The following IRAK3 variants were observed in gnomAD, a reference collection of about 807,000 sequenced individuals.
IRAK3 encodes the protein interleukin-1 receptor-associated kinase 3.
Under a neutral mutation model 56.6 loss-of-function variants are expected in IRAK3, and 57 were observed. The ratio of observed to expected loss-of-function variants is 1.01; its 90% CI spans 0.81 to 1.26. IRAK3 has a LOEUF of 1.26. IRAK3 is among the 50% of genes most tolerant of loss of function. The pLI, the probability that IRAK3 is intolerant of heterozygous loss-of-function variation, is 0.00. For missense variants in IRAK3, 703 were observed against 719.0 expected (o/e 0.98, Z 0.25); for synonymous variants, 258 against 255.7 (o/e 1.01, Z -0.09).
chr12:66,208,469 C>T (rs1164676446), intron 2 of IRAK3, among the ~76,000 whole-genome samples: 1 of 152,058 alleles, frequency 6.6e-6, no homozygotes, highest in Non-Finnish European at 1.5e-5. Context: ...TGCAAAAATG[C>T]TGATAATACA....
chr12:66,245,132 G>A lies in IRAK3; in HGVS notation c.1184G>A (p.Gly395Asp). The change falls in exon 11 of 12, where the codon GGC becomes GAC. Residue 395 changes from glycine to aspartate, a missense_variant. Physicochemically the swap from Gly to Asp is moderately conservative, Grantham distance 94. Transcript: ENST00000261233. ...DLLRELMEKR[G>D]LDSCLSFLDK... Reference sequence around the variant, plus strand: ...CTTAGAGAATTGATGGAGAAGAGAGGCCTGGATTCATGTCTCTCATTTCTA... The same window carrying A: ...CTTAGAGAATTGATGGAGAAGAGAGACCTGGATTCATGTCTCTCATTTCTA... The A allele has an allele frequency of 6.2e-7, 1 of 1,614,036 alleles. No individual in the cohort carries two copies. Among genetic ancestry groups the A allele is most frequent in the South Asian group, 1.1e-5 (1 of 91,080 alleles).
chr12:66,231,888 T>C (rs1310313385), intron 8 of IRAK3, among the ~76,000 whole-genome samples: 1 of 152,170 alleles, frequency 6.6e-6, no homozygotes, highest in African/African-American at 2.4e-5. Flanking sequence ...TGGGCTCTAG[T>C]GAAAGTCTGC....
At position 66,248,902 on chromosome 12, in the gene IRAK3, G is replaced by A. The variant is rs1460786944; in HGVS notation, c.*731G>A. On this transcript the variant is annotated 3_prime_UTR_variant, in exon 12 of 12. Transcript: ENST00000261233. ...TGTCCATCAAGTAATTTTTATTCCT[G>A]AGAAAATGGCTGGTCAAGGGCCTAG... 2 of 152,098 alleles carry A rather than the reference G, an allele frequency of 1.3e-5. No homozygotes were observed. The highest frequency in any genetic ancestry group is 2.4e-5 in the African/African-American group (1 of 41,420). The allele number at this position is 152,098 out of a possible 1,614,324, so 9.4% of individuals were successfully genotyped here.
intron 6 of IRAK3, among the ~76,000 whole-genome samples, chr12:66,224,196 G>A (rs929688648): frequency 6.6e-6 from 1 of 152,186 alleles, no homozygotes; most frequent in African/African-American, 2.4e-5. Flanking sequence ...CATCCAATGA[G>A]ATAAATTCTC....
At chr12:66,189,539 C>T in intron 1 of IRAK3, 107 bp downstream of exon 1, 2 of 798,448 alleles carry the variant, frequency 2.5e-6, no homozygotes, top group Non-Finnish European at 3.1e-6. Context: ...CTGGCGCGGC[C>T]TCCGGGAAGT....
At chr12:66,245,884 A>C (rs929364477) in intron 11 of IRAK3, among the ~76,000 whole-genome samples, 1 of 152,030 alleles carries the variant, frequency 6.6e-6, no homozygotes, top group Non-Finnish European at 1.5e-5. Flanking sequence ...ATCTATCCAT[A>C]GACTTAATCA....
intron 6 of IRAK3, among the ~76,000 whole-genome samples, chr12:66,224,929 C>T (rs1287670078): frequency 6.6e-6 from 1 of 152,060 alleles, no homozygotes; most frequent in East Asian, 1.9e-4. Flanking sequence ...AATCTAAAAC[C>T]CTACTGATTT....
chr12:66,239,780 A>T (rs751228662), intron 8 of IRAK3, among the ~76,000 whole-genome samples: 7 of 152,108 alleles, frequency 4.6e-5, no homozygotes, highest in Non-Finnish European at 7.3e-5. Flanking sequence ...CATAAATTAA[A>T]ATTTCCCCTA....
At chr12:66,205,136 T>TA (rs1450336983) in intron 2 of IRAK3, among the ~76,000 whole-genome samples, 1 of 152,188 alleles carries the variant, frequency 6.6e-6, no homozygotes, top group African/African-American at 2.4e-5. Flanking sequence ...AATACAAACT[T>TA]ACGCCACTTT....
intron 1 of IRAK3, among the ~76,000 whole-genome samples, chr12:66,190,310 T>C (rs902927686): frequency 2.0e-5 from 3 of 152,224 alleles, no homozygotes; most frequent in Admixed American, 2.0e-4. Flanking sequence ...AGTCTTTGAA[T>C]TGTAGCAATG....
Position 66,203,827 on chromosome 12 carries a change from G to T in IRAK3, c.250G>T (p.Gly84Cys), listed in dbSNP as rs34443407. ...CTGGGCACAGAAAAACAAGACCATC[G>T]GTGACCTTTTACAGGTCCTCCAGGA... is the stretch of plus-strand genomic sequence containing the variant. ...WSWAQKNKTIGDLLQVLQEMG... is the reference protein window; with the variant it reads ...WSWAQKNKTICDLLQVLQEMG... The change falls in exon 2 of 12, where the codon GGT (glycine) becomes TGT (cysteine). Residue 84 changes from glycine to cysteine, a missense_variant. Gly to Cys is a radical substitution (Grantham distance 159). Coordinates refer to ENST00000261233, the MANE Select transcript of IRAK3 (RefSeq NM_007199.3). The T allele has an allele frequency of 1.9e-6, 3 of 1,613,984 alleles. No homozygotes were observed. The highest frequency in any genetic ancestry group is 2.5e-6 in the Non-Finnish European group (3 of 1,179,914).
rs774461962 is a variant in IRAK3 at position 66,244,611 on chromosome 12, T to C, written c.1013T>C (p.Leu338Pro). The C allele has an allele frequency of 1.2e-6, 2 of 1,614,076 alleles. No individual in the cohort carries two copies. The highest frequency in any genetic ancestry group is 1.3e-5 in the African/African-American group (1 of 75,046). The change falls in exon 9 of 12, where the codon CTG becomes CCG. Residue 338 changes from leucine to proline, a missense_variant. Transcript: ENST00000261233. Reference sequence around the variant, plus strand: ...ATGACCAGCAGCAGCAGTAAACATCTGTGGTACATGCCAGAAGAGTACATC... The same window carrying C: ...ATGACCAGCAGCAGCAGTAAACATCCGTGGTACATGCCAGAAGAGTACATC... Reference protein sequence around the residue: ...INMTSSSSKHLWYMPEEYIRQ... With the variant: ...INMTSSSSKHPWYMPEEYIRQ...
rs759374601 is a variant in IRAK3 at position 66,226,812 on chromosome 12, C to G, written c.743C>G (p.Thr248Arg). The G allele has an allele frequency of 1.3e-5, 21 of 1,590,310 alleles. No individual in the cohort carries two copies. Among genetic ancestry groups the G allele is most frequent in the Non-Finnish European group, 1.7e-5 (20 of 1,158,462 alleles). The part of the protein sequence containing the change: ...CLIYPYMRNG[T>R]LFDRLQCVGD... Reference sequence around the variant, plus strand: ...ATTTATCCATACATGAGAAATGGAACACTTTTTGACAGATTGCAGTGTGTA... The same window carrying G: ...ATTTATCCATACATGAGAAATGGAAGACTTTTTGACAGATTGCAGTGTGTA... The change falls in exon 7 of 12, where the codon ACA (threonine) becomes AGA (arginine). Residue 248 changes from threonine to arginine, a missense_variant. Coordinates refer to ENST00000261233, the MANE Select transcript of IRAK3 (RefSeq NM_007199.3).
Position 66,248,075 on chromosome 12 carries a change from A to C in IRAK3, c.1695A>C (p.Ser565=), listed in dbSNP as rs1470813142. 1 of 1,592,064 alleles carries C rather than the reference A, an allele frequency of 6.3e-7. No individual in the cohort carries two copies. The highest frequency in any genetic ancestry group is 1.1e-5 in the South Asian group (1 of 87,840). ...RPYKVNIDPS[S]EAPGHSCRSR... is the part of the protein sequence containing the mutation. The stretch of plus-strand genomic sequence containing the variant: ...ATAAGGTAAATATAGATCCTTCTTC[A>C]GAAGCTCCAGGGCATTCTTGCAGGA... The change falls in exon 12 of 12, where the codon TCA becomes TCC. Residue 565 remains serine, a synonymous_variant. Coordinates refer to ENST00000261233, the MANE Select transcript of IRAK3 (RefSeq NM_007199.3).
At position 66,211,460 on chromosome 12, in the gene IRAK3, T is replaced by C. The variant is rs930092062; in HGVS notation, c.451T>C (p.Ser151Pro). 2 of 1,599,080 alleles carry C rather than the reference T, an allele frequency of 1.3e-6. No individual in the cohort carries two copies. The highest frequency in any genetic ancestry group is 1.7e-6 in the Non-Finnish European group (2 of 1,166,284). ...EHNEKGILLKSSISFQNIIEG... is the reference protein window; with the variant it reads ...EHNEKGILLKPSISFQNIIEG... Reference sequence around the variant, plus strand: ...TCCTTCCTAAGGAATACTGCTTAAATCTTCCATCAGCTTTCAAAATATCAT... The same window carrying C: ...TCCTTCCTAAGGAATACTGCTTAAACCTTCCATCAGCTTTCAAAATATCAT... Residue 151 changes from serine (S) to proline (P), a missense_variant, in exon 5 of 12, where the codon TCT becomes CCT. Physicochemically the swap from Ser to Pro is moderately conservative, Grantham distance 74. Coordinates refer to ENST00000261233, the MANE Select transcript of IRAK3 (RefSeq NM_007199.3).
chr12:66,239,812 C>T (rs1384148340), intron 8 of IRAK3, among the ~76,000 whole-genome samples: 3 of 152,210 alleles, frequency 2.0e-5, no homozygotes, highest in Non-Finnish European at 4.4e-5. Flanking sequence ...TGCCACCACT[C>T]TAATCCCCAA....
At chr12:66,234,363 G>T (rs2052879383) in intron 8 of IRAK3, 10 of 1,612,288 alleles carry the variant, frequency 6.2e-6, no homozygotes, top group Non-Finnish European at 8.5e-6. Context: ...AGAATATATG[G>T]TTGAGGTTGC....
intron 8 of IRAK3, among the ~76,000 whole-genome samples, chr12:66,236,748 T>C (rs1482773079): frequency 1.3e-5 from 2 of 152,162 alleles, no homozygotes; most frequent in Non-Finnish European, 2.9e-5. Context: ...ATTTTTGTAC[T>C]GGGCTCTGTA....
At chr12:66,194,071 G>A (rs1450122367) in intron 1 of IRAK3, among the ~76,000 whole-genome samples, 1 of 152,144 alleles carries the variant, frequency 6.6e-6, no homozygotes, top group Admixed American at 6.6e-5. Context: ...TGGGACTGCA[G>A]GCACATGCCA....
Sources: allele counts gnomAD v4.1 joint callset (sites outside exome capture counted in the v4.1 genomes callset), GRCh38; gene constraint gnomAD v4.1.1; transcripts MANE v1.5; gene names NCBI Gene and HGNC (gene_info 2026-07-23, HGNC 2026-07-21).